MME: variants seen among roughly 807,000 people sequenced by gnomAD.
MME encodes neprilysin.
MME carries 98 observed loss-of-function variants against 113.2 expected under a neutral mutation model. The observed-to-expected ratio is 0.87, with a 90% CI of 0.74 to 1.02. MME has a LOEUF of 1.02. Ranked by LOEUF, MME falls within the 50% of genes least tolerant of loss-of-function variation. The pLI is 0.00. For synonymous variants in MME, 292 were observed against 300.6 expected (o/e 0.97, Z 0.30); for missense variants, 836 against 896.0 (o/e 0.93, Z 0.86).
intron 3 of MME, among the ~76,000 whole-genome samples, chr3:155,098,811 T>C (rs1716966218): frequency 6.6e-6 from 1 of 152,022 alleles, no homozygotes; most frequent in South Asian, 2.1e-4. Flanking sequence ...AGAGTTCAGA[T>C]GGTCAAGAAA....
At chr3:155,063,497 T>A (rs1559896830) in intron 1 of MME, among the ~76,000 whole-genome samples, 1 of 109,480 alleles carries the variant, frequency 9.1e-6, no homozygotes, top group African/African-American at 3.8e-5. Context: ...ATATATATAT[T>A]TAAATATATA....
intron 10 of MME, 89 bp from the exon 11 acceptor site, chr3:155,141,902 A>G: frequency 7.0e-7 from 1 of 1,427,856 alleles, no homozygotes; most frequent in Non-Finnish European, 9.8e-7. Context: ...TGAATATCAA[A>G]CTGATCCAAC....
At chr3:155,117,932 C>A (rs1380386781) in intron 7 of MME, among the ~76,000 whole-genome samples, 1 of 152,086 alleles carries the variant, frequency 6.6e-6, no homozygotes, top group Non-Finnish European at 1.5e-5. Context: ...TCTCTTTAAC[C>A]CAGAAATGCT....
chr3:155,075,803 A>C (rs1261669439), upstream of MME, among the ~76,000 whole-genome samples: 8 of 152,174 alleles, frequency 5.3e-5, no homozygotes, highest in Non-Finnish European at 1.2e-4. Context: ...CTACAGGTGC[A>C]CACCACCAGG....
intron 16 of MME, among the ~76,000 whole-genome samples, chr3:155,156,806 C>T (rs1436011098): frequency 3.3e-5 from 5 of 152,142 alleles, no homozygotes; most frequent in African/African-American, 1.2e-4. Flanking sequence ...CTACTAAATG[C>T]TGAGAAATTG....
chr3:155,171,091 A>G (rs745901103), intron 20 of MME, among the ~76,000 whole-genome samples: 20 of 152,336 alleles, frequency 1.3e-4, no homozygotes, highest in Middle Eastern at 3.4e-3. Context: ...TCACTGCTAT[A>G]AAATCCAGCC....
chr3:155,115,115 C>A lies in MME; in HGVS notation c.318C>A (p.Asn106Lys), dbSNP rs756048894. ...CCGAGACCAGCTCCCGTTACGGCAA[C>A]TTTGACATTTTAAGAGATGAACTAG... ...VIPETSSRYG[N>K]FDILRDELEV... is the part of the protein sequence containing the mutation. Residue 106 changes from asparagine (N) to lysine (K), a missense_variant, in exon 4 of 23, where the codon AAC (asparagine) becomes AAA (lysine). Coordinates refer to ENST00000360490, the MANE Select transcript of MME (RefSeq NM_007289.4). The A allele has an allele frequency of 3.1e-6, 5 of 1,614,060 alleles. No individual in the cohort carries two copies. The highest frequency in any genetic ancestry group is 2.2e-5 in the East Asian group (1 of 44,862).
chr3:155,042,745 A>G (rs928622345), intron 1 of MME, among the ~76,000 whole-genome samples: 19 of 151,408 alleles, frequency 1.3e-4, no homozygotes, highest in African/African-American at 4.1e-4. Flanking sequence ...ACTTTATTTA[A>G]TTATGAATGA....
chr3:155,081,585 C>T (rs1715150372), intron 1 of MME: 1 of 150,584 alleles, frequency 6.6e-6, no homozygotes, highest in Non-Finnish European at 1.5e-5. Context: ...GCGTACCCTG[C>T]TTTATATGGG....
At chr3:155,095,116 A>G (rs1716628537) in intron 3 of MME, among the ~76,000 whole-genome samples, 1 of 152,258 alleles carries the variant, frequency 6.6e-6, no homozygotes, top group Non-Finnish European at 1.5e-5. Flanking sequence ...AAATGTACCC[A>G]TACTACTAAA....
intron 16 of MME, among the ~76,000 whole-genome samples, chr3:155,150,500 T>A (rs534226551): frequency 6.6e-6 from 1 of 152,264 alleles, no homozygotes; most frequent in South Asian, 2.1e-4. Context: ...AATTCTAAGG[T>A]CTTCTCTGCT....
rs752983695 is a variant in MME at position 155,041,184 on chromosome 3, C to G, written c.-11+16860C>G. ...CTGAACCCCTCCATTCTCTTTGTCT[C>G]TATAATCATCAGTCTGGTCCATGTC... On this transcript the variant is annotated intron_variant, in intron 1 of 22. Coordinates refer to the MME transcript ENST00000492661. 8.7e-4 allele frequency among the ~76,000 whole-genome samples: 132 copies of G among 152,130 alleles called. 4 individuals are homozygous for G. The highest frequency in any genetic ancestry group is 2.6e-3 in the Admixed American group (39 of 15,246).
At chr3:155,077,872 T>C (rs1001830190), upstream of MME, among the ~76,000 whole-genome samples, 10 of 152,268 alleles carry the variant, frequency 6.6e-5, no homozygotes, top group African/African-American at 2.4e-4. Context: ...TTTTTTTCTT[T>C]TGTCATACAT....
intron 1 of MME, among the ~76,000 whole-genome samples, chr3:155,057,641 AGAGT>A (rs1713980678): frequency 6.6e-6 from 1 of 151,160 alleles, no homozygotes; most frequent in Non-Finnish European, 1.5e-5. Context: ...TTATACTCTC[AGAGT>A]GTTTGGTGTG....
At chr3:155,154,221 G>A (rs1055738706) in intron 16 of MME, among the ~76,000 whole-genome samples, 2 of 151,974 alleles carry the variant, frequency 1.3e-5, no homozygotes, top group Non-Finnish European at 2.9e-5. Context: ...ATTGGATGGT[G>A]GCACACCTCT....
intron 14 of MME, 72 bp from the exon 15 acceptor site, chr3:155,147,072 C>A: frequency 1.0e-6 from 1 of 963,972 alleles, no homozygotes; most frequent in Non-Finnish European, 1.7e-6. Context: ...AATTGCTAGT[C>A]ATGGGCAGAT....
At position 155,027,883 on chromosome 3, in the gene MME, A is replaced by G. The variant is rs562927168; in HGVS notation, c.-11+3559A>G. On this transcript the variant is annotated intron_variant, in intron 1 of 22. Coordinates refer to the MME transcript ENST00000492661. ...TACTCAAAAAGTTTGTTGACTGAAT[A>G]AATGAAATAAATCTTTTACCTCAAA... Among the ~76,000 whole-genome samples, 3 of 152,352 alleles carry G rather than the reference A, an allele frequency of 2.0e-5. No homozygotes were observed. The South Asian group carries it at 6.2e-4, about 32-fold the overall frequency.
intron 8 of MME, among the ~76,000 whole-genome samples, chr3:155,127,236 G>A (rs113151501): frequency 2.0e-5 from 3 of 152,264 alleles, no homozygotes; most frequent in African/African-American, 7.2e-5. Context: ...GAAGTAGGCA[G>A]GCCATCCAGA....
rs372274857 is a variant in MME at position 155,084,360 on chromosome 3, T to A, written c.160+33T>A. The A allele has an allele frequency of 2.9e-5, 47 of 1,610,516 alleles. No individual in the cohort carries two copies. The African/African-American group carries it at 5.3e-4, about 18-fold the overall frequency. On this transcript the variant is annotated intron_variant, in intron 2 of 22. Coordinates refer to ENST00000360490, the MANE Select transcript of MME (RefSeq NM_007289.4). ...ACTCCCACACCTGTGCATCCATAAG[T>A]GCAAAAGAGAAGGAAATCTTCCTCC...
Sources: gnomAD v4.1 joint callset for allele counts (sites outside exome capture counted in the v4.1 genomes callset) on GRCh38, gnomAD v4.1.1 for gene constraint, MANE v1.5 for transcripts, NCBI Gene and HGNC (gene_info 2026-07-23, HGNC 2026-07-21) for gene names.